Variants in APPL2 observed in about 807,000 individuals in gnomAD.
APPL2 encodes the protein DCC-interacting protein 13-beta.
APPL2 carries 84 observed loss-of-function variants against 92.7 expected under a neutral mutation model. That is an observed-to-expected ratio of 0.91 (90% CI 0.76 to 1.09). The LOEUF is 1.09. APPL2 is among the 50% of genes least tolerant of loss of function. The pLI, the probability that APPL2 is intolerant of heterozygous loss-of-function variation, is 0.00. For synonymous variants in APPL2, 291 were observed against 291.0 expected (o/e 1.00, Z 0.00); for missense variants, 736 against 824.5 (o/e 0.89, Z 1.31).
At chr12:105,204,491 G>A (rs187174308) in intron 8 of APPL2, among the ~76,000 whole-genome samples, 1 of 152,226 alleles carries the variant, frequency 6.6e-6, no homozygotes, top group East Asian at 1.9e-4. Context: ...AGTTATCACA[G>A]GTTAAAAACG....
chr12:105,232,132 A>G (rs1274802859), intron 1 of APPL2, among the ~76,000 whole-genome samples: 1 of 152,230 alleles, frequency 6.6e-6, no homozygotes, highest in Non-Finnish European at 1.5e-5. Flanking sequence ...CAACTCAACT[A>G]AATAGCTATT....
chr12:105,192,258 A>G (rs1485161271), intron 14 of APPL2, among the ~76,000 whole-genome samples: 6 of 152,182 alleles, frequency 3.9e-5, no homozygotes, highest in Non-Finnish European at 7.3e-5. Context: ...ATCCTGGTCT[A>G]AACCACCATC....
rs116571445 is a variant in APPL2, at chr12:105,176,353, C to T, written c.1813-271G>A. The T allele has an allele frequency of 1.6e-3, 838 of 540,466 alleles. 12 individuals are homozygous for T. The highest frequency in any genetic ancestry group is 0.015 in the African/African-American group (773 of 50,010). 33.5% of individuals were successfully genotyped at this position (540,466 alleles called of 1,614,324 possible). A position where few individuals can be genotyped will look rare whatever the true frequency, so the allele number is the denominator to read the frequency against. ...TTAAAAGTTCTTAATAGGAATTTTT[C>T]TTCTCTCTCTTAAATGTATTTAGCC... is the stretch of plus-strand genomic sequence containing the variant. On this transcript the variant is annotated intron_variant, in intron 19 of 20. Transcript: ENST00000258530.
Position 105,208,193 on chromosome 12 carries a change from C to A in APPL2, c.380G>T (p.Ser127Ile). Reference sequence around the variant, plus strand: ...GAGTCCAAATAGATCCTTTAAAGTGCTTACTTCTGAAAAGGAGAAAAGGGA... The same window carrying A: ...GAGTCCAAATAGATCCTTTAAAGTGATTACTTCTGAAAAGGAGAAAAGGGA... ...QFREKDLTEV[S>I]TLKDLFGLAS... The change falls in exon 6 of 21, where the codon AGC becomes ATC. Residue 127 changes from serine (S) to isoleucine (I), a missense_variant. Physicochemically the swap from Ser to Ile is moderately radical, Grantham distance 142 (BLOSUM62 -2). Transcript: ENST00000258530. 1 of 1,614,228 alleles carries A rather than the reference C, an allele frequency of 6.2e-7. No individual in the cohort carries two copies. Among genetic ancestry groups the A allele is most frequent in the South Asian group, 1.1e-5 (1 of 91,086 alleles).
At chr12:105,196,629 C>T (rs1021290517) in intron 11 of APPL2, among the ~76,000 whole-genome samples, 2 of 152,056 alleles carry the variant, frequency 1.3e-5, no homozygotes, top group South Asian at 2.1e-4. Context: ...CCAGTAGAGA[C>T]GGGGTTTCTC....
intron 4 of APPL2, among the ~76,000 whole-genome samples, chr12:105,216,741 A>C (rs192719145): frequency 3.9e-5 from 6 of 152,384 alleles, no homozygotes; most frequent in Admixed American, 3.9e-4. Flanking sequence ...GGGAGGGAAT[A>C]AAGTTCTGTT....
rs1885187124 is a variant in APPL2, at chr12:105,173,530, T to A, written c.*784A>T. The A allele has an allele frequency of 6.6e-6, 1 of 152,522 alleles. No homozygotes were observed. The highest frequency in any genetic ancestry group is 1.5e-5 in the Non-Finnish European group (1 of 68,016). 9.4% of individuals were successfully genotyped at this position (152,522 alleles called of 1,614,324 possible). ...CTGTGCTTCAAGTGAGTTTTAAAAT[T>A]AATTGGTCCCTTCCCTGAAGAGGGT... On this transcript the variant is annotated 3_prime_UTR_variant, in exon 21 of 21. Coordinates refer to ENST00000258530, the MANE Select transcript of APPL2 (RefSeq NM_018171.5).
intron 1 of APPL2, among the ~76,000 whole-genome samples, chr12:105,232,750 C>A (rs574680922): frequency 1.8e-5 from 2 of 108,374 alleles, no homozygotes; most frequent in Admixed American, 2.7e-4. Flanking sequence ...GGCAACAAAG[C>A]GAGACCCTGT....
At chr12:105,203,175 G>C (rs1888376468) in intron 9 of APPL2, among the ~76,000 whole-genome samples, 1 of 152,236 alleles carries the variant, frequency 6.6e-6, no homozygotes, top group African/African-American at 2.4e-5. Context: ...TCAGAGCTCT[G>C]TCATGGAAGC....
Position 105,207,157 on chromosome 12 carries a change from G to A in APPL2, c.525C>T (p.His175=), listed in dbSNP as rs2293643. The A allele has an allele frequency of 0.19, 313,092 of 1,613,702 alleles. 31,294 individuals are homozygous for A. Among genetic ancestry groups the A allele is most frequent in the Admixed American group, 0.24 (14,465 of 59,926 alleles). The change falls in exon 8 of 21, where the codon CAC becomes CAT. Residue 175 remains histidine (H), a synonymous_variant. Coordinates refer to ENST00000258530, the MANE Select transcript of APPL2 (RefSeq NM_018171.5). ...KEVAAARRKQ[H]LSSLQYYCAL... The stretch of plus-strand genomic sequence containing the variant: ...CACAGTAGTACTGAAGGGAGGAGAG[G>A]TGCTGCTTCCGCCGGGCCGCGGCCA...
chr12:105,212,044 G>T (rs377654179), intron 4 of APPL2, among the ~76,000 whole-genome samples: 2 of 149,772 alleles, frequency 1.3e-5, no homozygotes, highest in Non-Finnish European at 3.0e-5. Context: ...GTGTGAACCC[G>T]GGAGGTGGAG....
At chr12:105,206,386 G>A (rs4964340) in intron 8 of APPL2, among the ~76,000 whole-genome samples, 25,932 of 152,112 alleles carry the variant, frequency 0.17, 2,489 homozygotes, top group East Asian at 0.25. Context: ...TGGAGACAAC[G>A]TGAGTGGGGC....
At chr12:105,185,738 T>A (rs889033778) in intron 17 of APPL2, among the ~76,000 whole-genome samples, 6 of 152,116 alleles carry the variant, frequency 3.9e-5, no homozygotes, top group Non-Finnish European at 7.4e-5. Context: ...TCTTCTAATT[T>A]TCTGTGTGAC....
Position 105,203,746 on chromosome 12 carries a change from G to A in APPL2, c.661C>T (p.Arg221Cys), listed in dbSNP as rs772110616. ...ACGGAGGATAAAAAGCTGTCCATAC[G>A]TTTGGAAAACATCTCTGCTCCCTTC... ...FKKGAEMFSKRMDSFLSSVAD... is the reference protein window; with the variant it reads ...FKKGAEMFSKCMDSFLSSVAD... The change falls in exon 9 of 21, where the codon CGT becomes TGT. Residue 221 changes from arginine to cysteine, a missense_variant. Coordinates refer to ENST00000258530, the MANE Select transcript of APPL2 (RefSeq NM_018171.5). 1.4e-5 allele frequency: 23 copies of A among 1,614,068 alleles called. No individual in the cohort carries two copies. The highest frequency in any genetic ancestry group is 2.2e-5 in the South Asian group (2 of 91,092).
At chr12:105,225,651 C>G (rs1020769394) in intron 2 of APPL2, among the ~76,000 whole-genome samples, 1 of 152,340 alleles carries the variant, frequency 6.6e-6, no homozygotes, top group Non-Finnish European at 1.5e-5. Context: ...TACACTACTA[C>G]TTTCATTCAA....
intron 7 of APPL2, among the ~76,000 whole-genome samples, 181 bp from the exon 8 acceptor site, chr12:105,207,388 A>G (rs1035725766): frequency 6.6e-6 from 1 of 152,262 alleles, no homozygotes; most frequent in Non-Finnish European, 1.5e-5. Context: ...TGCAAGAAAC[A>G]GCATCTCAGT....
chr12:105,207,582 A>G (rs887461517), intron 7 of APPL2, among the ~76,000 whole-genome samples: 4 of 152,234 alleles, frequency 2.6e-5, no homozygotes, highest in Admixed American at 1.3e-4. Context: ...AGAAGTAAAA[A>G]GTTATATGCA....
In APPL2 at chr12:105,195,002, T is replaced by C. The variant is rs544343711; in HGVS notation, c.1241+259A>G. 5.0e-3 allele frequency among the ~76,000 whole-genome samples: 754 copies of C among 152,286 alleles called. 3 individuals are homozygous for C. The highest frequency in any genetic ancestry group is 0.017 in the African/African-American group (696 of 41,556). On this transcript the variant is annotated intron_variant, in intron 14 of 20. Coordinates refer to ENST00000258530, the MANE Select transcript of APPL2 (RefSeq NM_018171.5). ...AGGAGGACCCTCCATGCACGTCCTGTTTGCTTGGACTGCAGCAGCATGGTC... is the reference window on the plus strand; with the variant it reads ...AGGAGGACCCTCCATGCACGTCCTGCTTGCTTGGACTGCAGCAGCATGGTC...
intron 15 of APPL2, 47 bp downstream of exon 15, chr12:105,189,944 C>T (rs375871461): frequency 1.2e-6 from 2 of 1,611,802 alleles, no homozygotes; most frequent in Non-Finnish European, 1.7e-6. Context: ...CAAGATACCT[C>T]AAATTTACTT....
Sources: allele counts gnomAD v4.1 joint callset (sites outside exome capture counted in the v4.1 genomes callset), GRCh38; gene constraint gnomAD v4.1.1; transcripts MANE v1.5; gene names NCBI Gene and HGNC (gene_info 2026-07-23, HGNC 2026-07-21).